The following DDHD1 variants were observed in gnomAD, a reference collection of about 807,000 sequenced individuals.
DDHD1 encodes the protein DDHD domain containing 1.
Under a neutral mutation model 96.4 loss-of-function variants are expected in DDHD1, and 49 were observed. The ratio of observed to expected loss-of-function variants is 0.51; its 90% confidence interval spans 0.40 to 0.64. The LOEUF (loss-of-function observed/expected upper bound fraction) is 0.64, where lower values mean the gene tolerates loss of function less well. DDHD1 is among the 30% of genes least tolerant of loss of function. DDHD1 has a pLI of 0.00. For synonymous variants in DDHD1, 442 were observed against 446.5 expected (o/e 0.99, Z 0.13); for missense variants, 1,106 against 1,161.2 (o/e 0.95, Z 0.69).
At position 53,059,303 on chromosome 14, in the gene DDHD1, A is replaced by G. The variant is rs559235132; in HGVS notation, c.1843-677T>C. On this transcript the variant is annotated intron_variant, in intron 8 of 12. Transcript: ENST00000673822. Reference sequence around the variant, plus strand: ...TCTGTCACCCAGGCTGGAGTGCAGTAGTGCGATCTCAGCTCACTGCAAGCT... The same window carrying G: ...TCTGTCACCCAGGCTGGAGTGCAGTGGTGCGATCTCAGCTCACTGCAAGCT... 3.8e-4 allele frequency among the ~76,000 whole-genome samples: 58 copies of G among 152,052 alleles called. 1 individual carries two copies. Among genetic ancestry groups the G allele is most frequent in the East Asian group, 2.0e-3 (10 of 5,108 alleles).
chr14:53,078,374 A>T (rs569003412), intron 4 of DDHD1, among the ~76,000 whole-genome samples: 3 of 152,284 alleles, frequency 2.0e-5, no homozygotes, highest in Non-Finnish European at 4.4e-5. Context: ...TAATAACTAA[A>T]GATGCTGAAC....
chr14:53,145,005 C>T (rs1297930589), intron 1 of DDHD1, among the ~76,000 whole-genome samples: 1 of 151,998 alleles, frequency 6.6e-6, no homozygotes, highest in Non-Finnish European at 1.5e-5. Context: ...TAAAACTTAG[C>T]CAGGCGTGAT....
intron 11 of DDHD1, chr14:53,052,527 G>A (rs1308852117): frequency 1.3e-5 from 2 of 152,068 alleles, no homozygotes; most frequent in African/African-American, 4.8e-5. Context: ...AAGATTTAAT[G>A]AAGAAAAGTT....
intron 1 of DDHD1, among the ~76,000 whole-genome samples, chr14:53,147,540 A>G (rs1443814832): frequency 2.0e-5 from 3 of 152,210 alleles, no homozygotes; most frequent in African/African-American, 7.2e-5. Context: ...CCCAAATGCC[A>G]TGGTCAGGTG....
At position 53,107,715 on chromosome 14, in the gene DDHD1, C is replaced by T. The variant is rs564796977; in HGVS notation, c.839-3859G>A. The stretch of plus-strand genomic sequence containing the variant: ...CTGAGGCAGGAGAATCACTTGAACC[C>T]GGGAGGCGGAGGTTGCAGTGAGCTG... On this transcript the variant is annotated intron_variant, in intron 1 of 12. Transcript: ENST00000673822. Among the ~76,000 whole-genome samples, 4 of 152,138 alleles carry T rather than the reference C, an allele frequency of 2.6e-5. No individual in the cohort carries two copies. The East Asian group carries it at 5.8e-4, about 22-fold the overall frequency.
At chr14:53,051,682 G>A (rs1052313662) in intron 12 of DDHD1, among the ~76,000 whole-genome samples, 162 bp downstream of exon 12, 1 of 151,840 alleles carries the variant, frequency 6.6e-6, no homozygotes, top group Admixed American at 6.6e-5. Context: ...TACCATTTAA[G>A]ACTAGAAAAT....
At chr14:53,073,506 C>T (rs561995074) in intron 5 of DDHD1, among the ~76,000 whole-genome samples, 28 of 152,158 alleles carry the variant, frequency 1.8e-4, no homozygotes, top group African/African-American at 5.3e-4. Flanking sequence ...TGCATGAAAA[C>T]AGTGCTATCT....
At chr14:53,082,891 T>TAAAC (rs139379575) in intron 4 of DDHD1, among the ~76,000 whole-genome samples, 9 of 151,950 alleles carry the variant, frequency 5.9e-5, no homozygotes, top group South Asian at 4.1e-4. Context: ...ATACATTTTT[T>TAAAC]AAACAAACAA....
intron 2 of DDHD1, among the ~76,000 whole-genome samples, chr14:53,097,935 T>G (rs917438956): frequency 1.3e-5 from 2 of 152,118 alleles, no homozygotes; most frequent in African/African-American, 4.8e-5. Context: ...CAGACATGGT[T>G]CTTTCTTTTC....
chr14:53,084,388 A>T (rs7141133), intron 4 of DDHD1, among the ~76,000 whole-genome samples: 4,019 of 152,252 alleles, frequency 0.026, 166 homozygotes, highest in African/African-American at 0.09. Flanking sequence ...AAGGAATCAA[A>T]CTGATACCTT....
At position 53,072,591 on chromosome 14, in the gene DDHD1, A is replaced by G; in HGVS notation, c.1503+6T>C. The G allele has an allele frequency of 2.0e-6, 3 of 1,473,276 alleles. No homozygotes were observed. Among genetic ancestry groups the G allele is most frequent in the South Asian group, 2.9e-5 (2 of 69,940 alleles). 91.3% of individuals were successfully genotyped at this position (1,473,276 alleles called of 1,614,324 possible). A position where few individuals can be genotyped will look rare whatever the true frequency, so the allele number is the denominator to read the frequency against. Reference sequence around the variant, plus strand: ...TACCCACCAGCAAGATAATCATGACACTTACTTCATCTCTATAAAGTGGAC... The same window carrying G: ...TACCCACCAGCAAGATAATCATGACGCTTACTTCATCTCTATAAAGTGGAC... On this transcript the variant is annotated splice_donor_region_variant and intron_variant, in intron 6 of 12. Transcript: ENST00000673822.
At chr14:53,052,341 C>G (rs1426347048) in intron 11 of DDHD1, among the ~76,000 whole-genome samples, 1 of 151,936 alleles carries the variant, frequency 6.6e-6, no homozygotes, top group African/African-American at 2.4e-5. Context: ...CATAAAGAAA[C>G]AGACAGATCA....
At chr14:53,114,117 C>A (rs187455088) in intron 1 of DDHD1, among the ~76,000 whole-genome samples, 204 of 152,272 alleles carry the variant, frequency 1.3e-3, no homozygotes, top group African/African-American at 4.5e-3. Flanking sequence ...CTGGACTGGG[C>A]GGAATTCACC....
chr14:53,100,488 A>G (rs572306505), intron 2 of DDHD1, among the ~76,000 whole-genome samples: 5 of 152,224 alleles, frequency 3.3e-5, no homozygotes, highest in African/African-American at 9.6e-5. Flanking sequence ...AATAAAATAT[A>G]TAAGAGTATG....
intron 6 of DDHD1, among the ~76,000 whole-genome samples, chr14:53,064,073 G>C (rs1307532203): frequency 6.6e-6 from 1 of 152,016 alleles, no homozygotes; most frequent in South Asian, 2.1e-4. Flanking sequence ...TAAGACATGG[G>C]TTTTAAGTAA....
chr14:53,109,393 G>A (rs1390228506), intron 1 of DDHD1, among the ~76,000 whole-genome samples: 2 of 152,122 alleles, frequency 1.3e-5, no homozygotes, highest in Admixed American at 6.6e-5. Context: ...TTTAACCTCT[G>A]TTCCCTTCTC....
rs2277490 is a variant in DDHD1, at chr14:53,054,346, G to A, written c.2437+92C>T. On this transcript the variant is annotated intron_variant, in intron 11 of 12. Transcript: ENST00000673822. ...AAGGCACACTTTAGATCTTAGAGTT[G>A]ACTAGCTAGTATTAATATTTTATAC... The A allele has an allele frequency of 2.9e-4, 316 of 1,102,588 alleles. 4 individuals are homozygous for A. In the East Asian group the frequency reaches 7.6e-3, roughly 26 times the overall value. 68.3% of individuals were successfully genotyped at this position (1,102,588 alleles called of 1,614,324 possible).
chr14:53,102,108 A>AG (rs1017076337), intron 2 of DDHD1, among the ~76,000 whole-genome samples: 1 of 152,036 alleles, frequency 6.6e-6, no homozygotes, highest in African/African-American at 2.4e-5. Context: ...AATTAACAGA[A>AG]GGAAAAAAAA....
In DDHD1 at chr14:53,152,123, C is replaced by T; in HGVS notation, c.838+138G>A. The T allele has an allele frequency of 1.1e-5, 9 of 842,084 alleles. No homozygotes were observed. In the Admixed American group the frequency reaches 1.1e-4, roughly 10 times the overall value. 52.2% of individuals were successfully genotyped at this position (842,084 alleles called of 1,614,324 possible). ...CCTTCAGCTGCCGACGCTCCCTGCT[C>T]AATCTCCATCCTGCCCCAGCCAAAC... On this transcript the variant is annotated intron_variant, in intron 1 of 12. Coordinates refer to ENST00000673822, the MANE Select transcript of DDHD1 (RefSeq NM_001160148.2).
Sources: allele counts gnomAD v4.1 joint callset (sites outside exome capture counted in the v4.1 genomes callset), GRCh38; gene constraint gnomAD v4.1.1; transcripts MANE v1.5; gene names NCBI Gene and HGNC (gene_info 2026-07-23, HGNC 2026-07-21).